DTNA: variants seen among roughly 807,000 people sequenced by gnomAD.
DTNA encodes the protein dystrophin-related protein 3.
Under a neutral mutation model 100.7 loss-of-function variants are expected in DTNA, and 43 were observed. The observed-to-expected ratio is 0.43, with a 90% confidence interval of 0.33 to 0.55. The LOEUF is 0.55. Among genes scored for constraint, DTNA ranks in the 20% least tolerant of loss-of-function variants. The pLI, the probability that DTNA is intolerant of heterozygous loss-of-function variation, is 0.04. For missense variants in DTNA, 798 were observed against 953.9 expected, an observed-to-expected ratio of 0.84 and a Z score of 2.15; for synonymous variants, 349 against 347.9, an observed-to-expected ratio of 1.00 and a Z score of -0.04.
At chr18:34,818,512 C>A (rs1184158088) in intron 8 of DTNA, 182 bp downstream of exon 8, 1 of 1,486,058 alleles carries the variant, frequency 6.7e-7, no homozygotes, top group East Asian at 2.5e-5. Flanking sequence ...TCTGTTGGAA[C>A]CCAGTGTAGC....
At chr18:34,515,075 T>G (rs1330710232) in intron 1 of DTNA, among the ~76,000 whole-genome samples, 2 of 152,054 alleles carry the variant, frequency 1.3e-5, no homozygotes, top group Non-Finnish European at 2.9e-5. Flanking sequence ...CCTTGCTTGA[T>G]GCCTTTTAAA....
chr18:34,726,873 G>C (rs1029104036), intron 1 of DTNA, among the ~76,000 whole-genome samples: 1 of 152,208 alleles, frequency 6.6e-6, no homozygotes, highest in Non-Finnish European at 1.5e-5. Flanking sequence ...GCTGTGTGGG[G>C]CTCCAACCCC....
chr18:34,818,093 A>C, intron 7 of DTNA, 71 bp from the exon 8 acceptor site: 1 of 1,612,264 alleles, frequency 6.2e-7, no homozygotes, highest in Non-Finnish European at 8.5e-7. Flanking sequence ...AATTCCTGTA[A>C]GGCTGTATTT....
At chr18:34,658,653 T>C (rs2074733225) in intron 1 of DTNA, among the ~76,000 whole-genome samples, 1 of 152,174 alleles carries the variant, frequency 6.6e-6, no homozygotes, top group Non-Finnish European at 1.5e-5. Flanking sequence ...GAATGTGGCC[T>C]TTATCAAAAT....
intron 1 of DTNA, among the ~76,000 whole-genome samples, chr18:34,616,959 T>A (rs1599107549): frequency 1.3e-5 from 2 of 152,204 alleles, no homozygotes; most frequent in Non-Finnish European, 2.9e-5. Context: ...GCTACTGATT[T>A]TTTTCATTGA....
intron 20 of DTNA, 86 bp from the exon 21 acceptor site, chr18:34,881,983 C>T (rs913666959): frequency 1.3e-6 from 2 of 1,586,064 alleles, no homozygotes; most frequent in African/African-American, 1.3e-5. Context: ...ATAAAGGTGC[C>T]AACGAAACTA....
At chr18:34,638,625 T>C (rs1197728777) in intron 1 of DTNA, among the ~76,000 whole-genome samples, 1 of 152,224 alleles carries the variant, frequency 6.6e-6, no homozygotes, top group African/African-American at 2.4e-5. Context: ...GTTCCTATAT[T>C]TCTATATTCT....
intron 1 of DTNA, among the ~76,000 whole-genome samples, chr18:34,545,781 G>T (rs1248681232): frequency 1.3e-5 from 2 of 152,014 alleles, no homozygotes; most frequent in African/African-American, 2.4e-5. Flanking sequence ...AGAATTTAAT[G>T]CAGTTTGTTC....
chr18:34,858,208 T>C, intron 15 of DTNA, 77 bp from the exon 16 acceptor site: 1 of 1,310,608 alleles, frequency 7.6e-7, no homozygotes, highest in Non-Finnish European at 1.1e-6. Context: ...TTTGTTCTGG[T>C]GGCCTTGATC....
intron 1 of DTNA, among the ~76,000 whole-genome samples, chr18:34,599,715 T>TA (rs1479142206): frequency 6.6e-6 from 1 of 152,170 alleles, no homozygotes; most frequent in Non-Finnish European, 1.5e-5. Context: ...GACAAAGTCT[T>TA]GCTCTGTCGC....
At chr18:34,595,238 G>A (rs1194977326) in intron 1 of DTNA, among the ~76,000 whole-genome samples, 1 of 152,210 alleles carries the variant, frequency 6.6e-6, no homozygotes, top group East Asian at 1.9e-4. Context: ...GCATGCACCT[G>A]GGTGCTCACC....
At chr18:34,670,803 T>G (rs550244928) in intron 1 of DTNA, among the ~76,000 whole-genome samples, 5 of 152,170 alleles carry the variant, frequency 3.3e-5, no homozygotes, top group African/African-American at 1.2e-4. Context: ...AGAGGGGTAC[T>G]CAGCCGTGTG....
At chr18:34,577,902 A>G (rs1400013542) in intron 1 of DTNA, among the ~76,000 whole-genome samples, 3 of 150,296 alleles carry the variant, frequency 2.0e-5, no homozygotes, top group African/African-American at 7.3e-5. Context: ...GCAATTGTAA[A>G]TTGTGCTGCT....
intron 1 of DTNA, among the ~76,000 whole-genome samples, chr18:34,602,704 A>AAAAC (rs889471135): frequency 1.3e-5 from 2 of 151,978 alleles, no homozygotes; most frequent in African/African-American, 2.4e-5. Context: ...TCTACAAAAA[A>AAAAC]AAACAAACAA....
At chr18:34,563,037 CTG>C (rs1219139948) in intron 1 of DTNA, among the ~76,000 whole-genome samples, 1 of 152,172 alleles carries the variant, frequency 6.6e-6, no homozygotes, top group African/African-American at 2.4e-5. Flanking sequence ...ACTTCAAAGA[CTG>C]AGAGCTTGTA....
chr18:34,776,286 C>T (rs967193908), intron 3 of DTNA, among the ~76,000 whole-genome samples: 5 of 152,138 alleles, frequency 3.3e-5, no homozygotes, highest in African/African-American at 4.8e-5. Flanking sequence ...AGTAATGACA[C>T]CCCCAAAGCA....
chr18:34,630,543 G>A (rs1224017963), intron 1 of DTNA, among the ~76,000 whole-genome samples: 2 of 152,148 alleles, frequency 1.3e-5, no homozygotes, highest in Non-Finnish European at 2.9e-5. Context: ...AGAGATCAGT[G>A]GAAAGTTCAT....
intron 1 of DTNA, among the ~76,000 whole-genome samples, chr18:34,655,407 C>G (rs2074231393): frequency 6.6e-6 from 1 of 152,160 alleles, no homozygotes; most frequent in African/African-American, 2.4e-5. Context: ...GCTAAGAATC[C>G]TACTTGCTTA....
chr18:34,656,525 G>A (rs2074396543), intron 1 of DTNA, among the ~76,000 whole-genome samples: 3 of 152,100 alleles, frequency 2.0e-5, no homozygotes, highest in South Asian at 2.1e-4. Context: ...TCCAGGTCAC[G>A]GAGCAGTCCC....
Sources: gnomAD v4.1 joint callset for allele counts (sites outside exome capture counted in the v4.1 genomes callset) on GRCh38, gnomAD v4.1.1 for gene constraint, MANE v1.5 for transcripts, NCBI Gene and HGNC (gene_info 2026-07-23, HGNC 2026-07-21) for gene names.